TADA2A: variants seen among roughly 807,000 people sequenced by gnomAD.
TADA2A encodes the protein transcriptional adaptor 2A.
Under a neutral mutation model 67.4 loss-of-function variants are expected in TADA2A, and 38 were observed. The observed-to-expected ratio is 0.56, with a 90% confidence interval of 0.44 to 0.74. The LOEUF (loss-of-function observed/expected upper bound fraction) is 0.74. Among genes scored for constraint, TADA2A ranks in the 30% least tolerant of loss-of-function variants. TADA2A has a pLI of 0.00. For synonymous variants in TADA2A, 192 were observed against 181.6 expected (o/e 1.06, Z -0.46); for missense variants, 454 against 547.0 (o/e 0.83, Z 1.70).
At chr17:37,476,700 G>A in intron 15 of TADA2A, 97 bp from the exon 16 acceptor site, 1 of 1,273,484 alleles carries the variant, frequency 7.9e-7, no homozygotes, top group Non-Finnish European at 1.1e-6. Flanking sequence ...AATAGTTGGA[G>A]GTTGATGTCA....
At chr17:37,455,827 C>A (rs1328901364) in intron 8 of TADA2A, among the ~76,000 whole-genome samples, 1 of 152,020 alleles carries the variant, frequency 6.6e-6, no homozygotes, top group Non-Finnish European at 1.5e-5. Flanking sequence ...TTTTTGGATC[C>A]CTGCTGTGTA....
At chr17:37,456,154 A>G (rs1053606078) in intron 8 of TADA2A, among the ~76,000 whole-genome samples, 1 of 152,150 alleles carries the variant, frequency 6.6e-6, no homozygotes, top group African/African-American at 2.4e-5. Flanking sequence ...CAGTGAGCCA[A>G]GCGCCCCTGC....
At chr17:37,444,433 G>A (rs1478148396) in intron 7 of TADA2A, among the ~76,000 whole-genome samples, 1 of 152,062 alleles carries the variant, frequency 6.6e-6, no homozygotes, top group African/African-American at 2.4e-5. Context: ...ACTAATTTTA[G>A]TTTTTAGAGC....
chr17:37,451,653 T>G (rs774083381), intron 8 of TADA2A, among the ~76,000 whole-genome samples: 7 of 151,796 alleles, frequency 4.6e-5, no homozygotes, highest in Non-Finnish European at 7.4e-5. Flanking sequence ...CCTACACAAA[T>G]CTCAGGAAAC....
intron 1 of TADA2A, among the ~76,000 whole-genome samples, chr17:37,410,582 G>C (rs1476961899): frequency 6.6e-6 from 1 of 152,070 alleles, no homozygotes; most frequent in African/African-American, 2.4e-5. Flanking sequence ...TTAAAGTTGA[G>C]TTTATTAAAG....
chr17:37,438,278 A>G (rs2147962711), intron 5 of TADA2A, among the ~76,000 whole-genome samples: 1 of 152,170 alleles, frequency 6.6e-6, no homozygotes, highest in East Asian at 1.9e-4. Context: ...GCTTTCAAAC[A>G]CCTACCTGCC....
chr17:37,437,071 A>G (rs1190280784), intron 4 of TADA2A, among the ~76,000 whole-genome samples: 3 of 150,716 alleles, frequency 2.0e-5, no homozygotes, highest in Non-Finnish European at 4.4e-5. Context: ...AAGTTCCTAG[A>G]TTCCATTTAT....
intron 15 of TADA2A, among the ~76,000 whole-genome samples, chr17:37,475,475 C>CTATTTTT (rs1416970225): frequency 6.6e-6 from 1 of 150,582 alleles, no homozygotes; most frequent in African/African-American, 2.4e-5. Flanking sequence ...CTCACCCGGC[C>CTATTTTT]TATTTTTTAT....
At chr17:37,431,768 G>A (rs2052575950) in intron 4 of TADA2A, among the ~76,000 whole-genome samples, 1 of 151,926 alleles carries the variant, frequency 6.6e-6, no homozygotes, top group Non-Finnish European at 1.5e-5. Context: ...GTTTCACCAT[G>A]TTGTCCAGGC....
At chr17:37,462,189 C>A in intron 10 of TADA2A, 68 bp downstream of exon 10, 1 of 1,094,438 alleles carries the variant, frequency 9.1e-7, no homozygotes, top group Non-Finnish European at 1.3e-6. Context: ...TTAAATAAAT[C>A]ACGTATTGTA....
intron 4 of TADA2A, among the ~76,000 whole-genome samples, chr17:37,433,663 GA>G (rs1373131749): frequency 2.0e-5 from 3 of 150,914 alleles, no homozygotes; most frequent in Admixed American, 2.0e-4. Flanking sequence ...GTCTCAAAGA[GA>G]AAAAAGGGCT....
intron 4 of TADA2A, among the ~76,000 whole-genome samples, chr17:37,427,598 C>A (rs1424764728): frequency 6.6e-6 from 1 of 152,156 alleles, no homozygotes; most frequent in African/African-American, 2.4e-5. Context: ...TTCGTAGTGT[C>A]CTTCCAAGCC....
intron 4 of TADA2A, among the ~76,000 whole-genome samples, chr17:37,434,658 T>C (rs1448347007): frequency 2.0e-5 from 3 of 152,246 alleles, no homozygotes; most frequent in African/African-American, 7.2e-5. Flanking sequence ...AACATTAATC[T>C]TTTAATTCTA....
At chr17:37,435,329 C>T (rs28798162) in intron 4 of TADA2A, among the ~76,000 whole-genome samples, 32,921 of 152,040 alleles carry the variant, frequency 0.22, 3,762 homozygotes, top group Middle Eastern at 0.35. Flanking sequence ...CTCTCTGTCC[C>T]GCAGGCTGGA....
intron 4 of TADA2A, among the ~76,000 whole-genome samples, chr17:37,436,060 C>CT (rs111294896): frequency 1.7e-4 from 25 of 149,818 alleles, no homozygotes; most frequent in East Asian, 5.8e-4. Context: ...ACAGCTATAT[C>CT]TTTTTTTTTT....
intron 2 of TADA2A, among the ~76,000 whole-genome samples, 184 bp downstream of exon 2, chr17:37,411,574 C>T (rs2051871105): frequency 6.6e-6 from 1 of 152,046 alleles, no homozygotes; most frequent in African/African-American, 2.4e-5. Context: ...AGGCGCGCAC[C>T]ACCACACACA....
At chr17:37,417,083 A>G (rs1164454939) in intron 2 of TADA2A, among the ~76,000 whole-genome samples, 1 of 151,824 alleles carries the variant, frequency 6.6e-6, no homozygotes, top group Non-Finnish European at 1.5e-5. Context: ...ACAGATGTGA[A>G]ATGTACATAC....
At chr17:37,446,179 G>A (rs2053075933) in intron 8 of TADA2A, among the ~76,000 whole-genome samples, 1 of 148,754 alleles carries the variant, frequency 6.7e-6, no homozygotes, top group Non-Finnish European at 1.5e-5. Context: ...AAGTGACGCA[G>A]ATTGAACTAA....
intron 8 of TADA2A, among the ~76,000 whole-genome samples, chr17:37,446,901 A>G (rs2147986708): frequency 6.6e-6 from 1 of 152,216 alleles, no homozygotes; most frequent in South Asian, 2.1e-4. Context: ...CCTTTTTGTA[A>G]TTAAGTGGGG....
Sources: allele counts gnomAD v4.1 joint callset (sites outside exome capture counted in the v4.1 genomes callset), GRCh38; gene constraint gnomAD v4.1.1; transcripts MANE v1.5; gene names NCBI Gene and HGNC (gene_info 2026-07-23, HGNC 2026-07-21).